MBOAT2: variants seen among roughly 807,000 people sequenced by gnomAD.
MBOAT2 encodes the protein membrane-bound glycerophospholipid O-acyltransferase 2.
In MBOAT2, 28 loss-of-function variants were observed where a neutral mutation model predicts 63.4. That is an observed-to-expected ratio of 0.44 (90% confidence interval 0.33 to 0.61). MBOAT2 has a LOEUF of 0.61. Among genes scored for constraint, MBOAT2 ranks in the 20% least tolerant of loss-of-function variants. MBOAT2 has a pLI of 0.03. For synonymous variants in MBOAT2, 211 were observed against 215.6 expected, an observed-to-expected ratio of 0.98 and a Z score of 0.19; for missense variants, 470 against 605.8, an observed-to-expected ratio of 0.78 and a Z score of 2.35.
At chr2:8,913,172 T>C (rs1334893748) in intron 3 of MBOAT2, among the ~76,000 whole-genome samples, 3 of 152,136 alleles carry the variant, frequency 2.0e-5, no homozygotes, top group Non-Finnish European at 4.4e-5. Flanking sequence ...TCTCACCTTA[T>C]ACAAAAATCA....
intron 1 of MBOAT2, among the ~76,000 whole-genome samples, chr2:8,969,433 A>C (rs559935686): frequency 6.6e-6 from 1 of 152,350 alleles, no homozygotes; most frequent in African/African-American, 2.4e-5. Flanking sequence ...AATTGTAAAG[A>C]CCATCGATGC....
intron 7 of MBOAT2, 64 bp downstream of exon 7, chr2:8,876,966 G>T (rs1572942016): frequency 1.4e-6 from 2 of 1,414,814 alleles, no homozygotes; most frequent in South Asian, 1.5e-5. Context: ...GAAAATATTT[G>T]TATCTTTAAA....
intron 4 of MBOAT2, among the ~76,000 whole-genome samples, chr2:8,906,125 A>AT (rs1054248436): frequency 7.2e-5 from 11 of 152,054 alleles, no homozygotes; most frequent in African/African-American, 2.4e-4. Flanking sequence ...TGCCTATTTA[A>AT]TTTTTTGTAT....
intron 7 of MBOAT2, among the ~76,000 whole-genome samples, chr2:8,874,274 A>C (rs1411077199): frequency 6.6e-6 from 1 of 152,208 alleles, no homozygotes; most frequent in East Asian, 1.9e-4. Flanking sequence ...CTCAGTGTTC[A>C]AGGACTCCTT....
chr2:8,864,148 GATCGT>G lies in MBOAT2; in HGVS notation c.1052+17_1052+21del. The G allele has an allele frequency of 6.5e-7, 1 of 1,533,764 alleles. No individual in the cohort carries two copies. Among genetic ancestry groups the G allele is most frequent in the Non-Finnish European group, 8.8e-7 (1 of 1,137,660 alleles). ...AACTAGACGCCAAAGCACATCTAAA[GATCGT>G]TTTTGAAGGAACGCACCTTTTGAGC... On this transcript the variant is annotated intron_variant, in intron 10 of 12. Transcript: ENST00000305997.
intron 11 of MBOAT2, among the ~76,000 whole-genome samples, chr2:8,861,804 C>T (rs1228397299): frequency 6.6e-6 from 1 of 152,178 alleles, no homozygotes; most frequent in East Asian, 1.9e-4. Context: ...CACACACACA[C>T]ATGCATAAGG....
chr2:8,861,034 A>G (rs1212762414), intron 11 of MBOAT2: 2 of 205,178 alleles, frequency 9.7e-6, no homozygotes, highest in Non-Finnish European at 1.9e-5. Context: ...GGTAAAGGGC[A>G]TATAGAAGTT....
intron 3 of MBOAT2, among the ~76,000 whole-genome samples, chr2:8,915,002 A>C (rs1195555273): frequency 7.5e-6 from 1 of 133,090 alleles, no homozygotes; most frequent in Non-Finnish European, 1.5e-5. Context: ...GCAGTGGCGC[A>C]ATCTCGGCTC....
chr2:9,002,506 G>C (rs569322388), intron 1 of MBOAT2, among the ~76,000 whole-genome samples: 1 of 152,302 alleles, frequency 6.6e-6, no homozygotes, highest in Admixed American at 6.5e-5. Context: ...CCCGTGTGAA[G>C]TCCAAACACT....
intron 8 of MBOAT2, among the ~76,000 whole-genome samples, chr2:8,870,626 T>A (rs1662242968): frequency 6.6e-6 from 1 of 152,178 alleles, no homozygotes; most frequent in East Asian, 1.9e-4. Context: ...AGCTGGCTTC[T>A]CCACTGACAG....
chr2:8,956,074 G>A (rs1250173095), intron 2 of MBOAT2, among the ~76,000 whole-genome samples: 1 of 152,150 alleles, frequency 6.6e-6, no homozygotes, highest in Non-Finnish European at 1.5e-5. Context: ...AAAAAAATTT[G>A]TGTGACTTGC....
At chr2:8,875,109 G>A (rs762000971) in intron 7 of MBOAT2, among the ~76,000 whole-genome samples, 36 of 152,134 alleles carry the variant, frequency 2.4e-4, no homozygotes, top group Middle Eastern at 3.2e-3. Context: ...GAGAACAGTG[G>A]AGAGGTCCCC....
At chr2:8,925,009 C>A (rs1003364351) in intron 3 of MBOAT2, among the ~76,000 whole-genome samples, 1 of 152,058 alleles carries the variant, frequency 6.6e-6, no homozygotes, top group Non-Finnish European at 1.5e-5. Context: ...TTTTTAATAA[C>A]ATGAAAAACT....
chr2:8,882,634 CTT>C, intron 5 of MBOAT2, 69 bp from the exon 6 acceptor site: 1 of 1,290,056 alleles, frequency 7.8e-7, no homozygotes, highest in South Asian at 1.2e-5. Context: ...CCCATGCACA[CTT>C]TCATTACTTT....
At chr2:8,875,195 G>C (rs1245125549) in intron 7 of MBOAT2, among the ~76,000 whole-genome samples, 2 of 152,152 alleles carry the variant, frequency 1.3e-5, no homozygotes, top group Non-Finnish European at 2.9e-5. Flanking sequence ...GATGCACAAG[G>C]AGCTTCCAAA....
intron 1 of MBOAT2, among the ~76,000 whole-genome samples, chr2:8,962,292 T>C (rs142724090): frequency 6.6e-6 from 1 of 152,196 alleles, no homozygotes; most frequent in African/African-American, 2.4e-5. Flanking sequence ...TGCATTATAC[T>C]GCCTACCACA....
intron 1 of MBOAT2, among the ~76,000 whole-genome samples, chr2:8,970,280 T>C (rs901537789): frequency 1.3e-5 from 2 of 152,162 alleles, no homozygotes; most frequent in Admixed American, 6.5e-5. Context: ...ACTGGGTACA[T>C]AACGAAATGA....
rs1277531492 is a variant in MBOAT2 at position 8,862,477 on chromosome 2, C to T, written c.1185+113G>A. 8.5e-6 allele frequency: 12 copies of T among 1,408,706 alleles called. No homozygotes were observed. The highest frequency in any genetic ancestry group is 1.4e-5 in the African/African-American group (1 of 69,850). 87.3% of individuals were successfully genotyped at this position (1,408,706 alleles called of 1,614,324 possible). A position where few individuals can be genotyped will look rare whatever the true frequency, so the allele number is the denominator to read the frequency against. ...CACACCTCGCTTCTAGTGGAAAGGA[C>T]AATACTGACCACGACCAAGGAAAGA... On this transcript the variant is annotated intron_variant, in intron 11 of 12. Transcript: ENST00000305997. This position sits in a 1 kb window ranked among gnomAD's most constrained non-coding sequence, Gnocchi z 4.3.
chr2:8,926,364 T>G (rs562126430), intron 3 of MBOAT2, among the ~76,000 whole-genome samples: 2 of 152,284 alleles, frequency 1.3e-5, no homozygotes, highest in African/African-American at 4.8e-5. Flanking sequence ...ATACAAGATG[T>G]ACAAAGTAAA....
Sources: gnomAD v4.1 joint callset for allele counts (sites outside exome capture counted in the v4.1 genomes callset) on GRCh38, gnomAD v4.1.1 for gene constraint, Gnocchi (gnomAD v3.1) non-coding constraint, MANE v1.5 for transcripts, NCBI Gene and HGNC (gene_info 2026-07-23, HGNC 2026-07-21) for gene names.